The following DALRD3 variants were observed in gnomAD, a reference collection of about 807,000 sequenced individuals.
The protein encoded by DALRD3 is DALR anticodon binding domain containing 3, also known as DALR anticodon-binding domain-containing protein 3.
In DALRD3, 47 loss-of-function variants were observed where a neutral mutation model predicts 56.7. The observed-to-expected ratio is 0.83, with a 90% CI of 0.66 to 1.06. DALRD3 has a LOEUF of 1.06. Ranked by LOEUF, DALRD3 falls within the 50% of genes least tolerant of loss-of-function variation. The pLI, the probability that DALRD3 is intolerant of heterozygous loss-of-function variation, is 0.00. For synonymous variants in DALRD3, 347 were observed against 308.5 expected (o/e 1.12, Z -1.31); for missense variants, 787 against 724.0 (o/e 1.09, Z -1.00).
chr3:49,018,806 C>T (rs2093125733), upstream of DALRD3: 16 of 985,360 alleles, frequency 1.6e-5, no homozygotes, highest in South Asian at 6.6e-4. Flanking sequence ...GGTTCTTTCG[C>T]TGTGACCCAG....
At chr3:49,019,006 C>T (rs1002658274), upstream of DALRD3, 4 of 985,314 alleles carry the variant, frequency 4.1e-6, no homozygotes, top group African/African-American at 7.0e-5. Context: ...TAAAATATCT[C>T]GTTTTAAAAA....
In DALRD3 at chr3:49,015,870, T is replaced by TATCTA. The variant is rs1321893178; in HGVS notation, c.1444-3_1445dup (p.Cys483ArgfsTer41). On this transcript the variant is annotated frameshift_variant and splice_region_variant, in exon 11 of 12. Coordinates refer to ENST00000341949, the MANE Select transcript of DALRD3 (RefSeq NM_001009996.3). LOFTEE classifies it high-confidence loss of function. ...TGCTGAGCTGTACCAGGAACTTGCA[T>TATCTA]ATCTAGAGACAGAGACTGAGTCACT... 6.2e-7 allele frequency: 1 copy of TATCTA among 1,614,084 alleles called. No homozygotes were observed. The highest frequency in any genetic ancestry group is 8.5e-7 in the Non-Finnish European group (1 of 1,180,048).
Position 49,015,545 on chromosome 3 carries a change from G to C in DALRD3, c.*43C>G, listed in dbSNP as rs2093051449. The C allele has an allele frequency of 6.2e-7, 1 of 1,602,386 alleles. No homozygotes were observed. Among genetic ancestry groups the C allele is most frequent in the African/African-American group, 1.3e-5 (1 of 74,192 alleles). ...GTGGGTTTTTGCTTTTTTTCCAGTTGATGACTTTGTGAACATTCCCAGGTA... is the reference window on the plus strand; with the variant it reads ...GTGGGTTTTTGCTTTTTTTCCAGTTCATGACTTTGTGAACATTCCCAGGTA... On this transcript the variant is annotated 3_prime_UTR_variant, in exon 12 of 12. Coordinates refer to ENST00000341949, the MANE Select transcript of DALRD3 (RefSeq NM_001009996.3).
At chr3:49,016,107 G>GGGA (rs2093064597) in intron 9 of DALRD3, 21 bp from the exon 10 acceptor site, 1 of 1,608,108 alleles carries the variant, frequency 6.2e-7, no homozygotes, top group Admixed American at 1.7e-5. Context: ...GAAAGGTGCT[G>GGGA]GGAGGGGAAG....
chr3:49,018,211 C>G lies in DALRD3; in HGVS notation c.273G>C (p.Arg91=), dbSNP rs2093114068. The G allele has an allele frequency of 6.9e-7, 1 of 1,445,638 alleles. No individual in the cohort carries two copies. Among genetic ancestry groups the G allele is most frequent in the African/African-American group, 1.5e-5 (1 of 68,096 alleles). 89.6% of individuals were successfully genotyped at this position (1,445,638 alleles called of 1,614,324 possible). A position where few individuals can be genotyped will look rare whatever the true frequency, so the allele number is the denominator to read the frequency against. ...TGAGGACGCGCTCGAAGACGGCGGA[C>G]CGCTGCAGTTGGAGAGACAGACCCG... The part of the protein sequence containing the change: ...TPAGLSLQLQ[R]SAVFERVLSA... Residue 91 remains arginine (R), a synonymous_variant, in exon 2 of 12, where the codon CGG becomes CGC. Transcript: ENST00000341949.
At chr3:49,019,950 C>T (rs891841767), upstream of DALRD3, among the ~76,000 whole-genome samples, 2 of 152,228 alleles carry the variant, frequency 1.3e-5, no homozygotes, top group Non-Finnish European at 2.9e-5. Flanking sequence ...AGGTCTTTTT[C>T]TTTCTCCCAC....
In DALRD3 at chr3:49,017,599, G is replaced by A. The variant is rs764893102; in HGVS notation, c.718+14C>T. On this transcript the variant is annotated intron_variant, in intron 3 of 11. Coordinates refer to ENST00000341949, the MANE Select transcript of DALRD3 (RefSeq NM_001009996.3). ...CTCCTGCCTTTTCTGGCCCTGCTAG[G>A]CTTCAGGTCCTACCCAGACAGTTGT... is the stretch of plus-strand genomic sequence containing the variant. 10 of 1,613,910 alleles carry A rather than the reference G, an allele frequency of 6.2e-6. No homozygotes were observed. In the African/African-American group the frequency reaches 9.3e-5, roughly 15 times the overall value.
chr3:49,018,865 G>A, upstream of DALRD3: 12 of 985,260 alleles, frequency 1.2e-5, no homozygotes, highest in Non-Finnish European at 1.4e-5. Flanking sequence ...GCTTAGACCG[G>A]GTACCGTCTC....
chr3:49,020,829 G>C, upstream of DALRD3: 1 of 363,144 alleles, frequency 2.8e-6, no homozygotes, highest in Non-Finnish European at 5.8e-6. Context: ...GGAGTCTAGA[G>C]GGAACAAGAC....
rs928665276 is a variant in DALRD3, at chr3:49,018,185, C to T, written c.299G>A (p.Ser100Asn). ...GGGCGTGGCATAGGCGGCCACGGCG[C>T]TGAGGACGCGCTCGAAGACGGCGGA... Reference protein sequence around the residue: ...QRSAVFERVLSAVAAYATPAS... With the variant: ...QRSAVFERVLNAVAAYATPAS... The change falls in exon 2 of 12, where the codon AGC (serine) becomes AAC (asparagine). Residue 100 changes from serine (S) to asparagine (N), a missense_variant. By Grantham distance (46) the Ser-to-Asn change is conservative. Transcript: ENST00000341949. 3 of 1,450,354 alleles carry T rather than the reference C, an allele frequency of 2.1e-6. No individual in the cohort carries two copies. The South Asian group carries it at 4.4e-5, about 21-fold the overall frequency. The allele number at this position is 1,450,354 out of a possible 1,614,324, so 89.8% of individuals were successfully genotyped here.
At chr3:49,017,962 C>A (rs1347674818) in intron 2 of DALRD3, 61 bp downstream of exon 2, 3 of 1,500,372 alleles carry the variant, frequency 2.0e-6, no homozygotes, top group Admixed American at 4.2e-5. Flanking sequence ...GGCGGCGCCG[C>A]TCGCTTTCTA....
chr3:49,020,312 CTCTCATCCACG>C (rs1319730820), upstream of DALRD3: 1 of 484,978 alleles, frequency 2.1e-6, no homozygotes, highest in Non-Finnish European at 4.3e-6. Flanking sequence ...ACTTCAGATA[CTCTCATCCACG>C]AAGACGGTTG....
In DALRD3 at chr3:49,016,205, T is replaced by G; in HGVS notation, c.1282A>C (p.Thr428Pro). The change falls in exon 9 of 12, where the codon ACT (threonine) becomes CCT (proline). Residue 428 changes from threonine to proline, a missense_variant. Coordinates refer to ENST00000341949, the MANE Select transcript of DALRD3 (RefSeq NM_001009996.3). Reference sequence around the variant, plus strand: ...TCCAGACTGCTCACAGGAGGAAAAGTGGGGTACAGACCTTGTTCCATACTA... The same window carrying G: ...TCCAGACTGCTCACAGGAGGAAAAGGGGGGTACAGACCTTGTTCCATACTA... Reference protein sequence around the residue: ...KCSMEQGLYPTFPPVSSLDFS... With the variant: ...KCSMEQGLYPPFPPVSSLDFS... 2 of 1,614,058 alleles carry G rather than the reference T, an allele frequency of 1.2e-6. No individual in the cohort carries two copies. The highest frequency in any genetic ancestry group is 1.7e-6 in the Non-Finnish European group (2 of 1,180,008).
Position 49,016,668 on chromosome 3 carries a change from C to A in DALRD3, c.1007G>T (p.Arg336Leu). ...LMTAPEYYEFRHTQVCKASAL... is the reference protein window; with the variant it reads ...LMTAPEYYEFLHTQVCKASAL... ...TGAGGCCTTGCACACCTGGGTATGC[C>A]GGAACCTGTGTTTGGAAGAGAGGAA... is the stretch of plus-strand genomic sequence containing the variant. The change falls in exon 7 of 12, where the codon CGG (arginine) becomes CTG (leucine). Residue 336 changes from arginine to leucine, a missense_variant. Arg to Leu is a moderately radical substitution (Grantham distance 102). Transcript: ENST00000341949. 6.2e-7 allele frequency: 1 copy of A among 1,602,244 alleles called. No homozygotes were observed. The highest frequency in any genetic ancestry group is 8.5e-7 in the Non-Finnish European group (1 of 1,172,780).
At chr3:49,021,236 T>A (rs2093153520), upstream of DALRD3, 1 of 152,072 alleles carries the variant, frequency 6.6e-6, no homozygotes, top group South Asian at 2.0e-4. This position sits in a 1 kb window ranked among gnomAD's most constrained non-coding sequence, Gnocchi z 4.1. Flanking sequence ...GCCCCGCGGG[T>A]AGCGAAAGCG....
upstream of DALRD3, chr3:49,021,268 G>C (rs1330800092): frequency 6.6e-6 from 1 of 152,448 alleles, no homozygotes; most frequent in South Asian, 2.0e-4. The surrounding 1 kb of genome is among the most constrained non-coding windows in gnomAD (Gnocchi z 4.1). Context: ...CTGAGGCCAC[G>C]ACAGAGCCGG....
Position 49,017,709 on chromosome 3 carries a change from G to C in DALRD3, c.622C>G (p.Leu208Val). 6.2e-7 allele frequency: 1 copy of C among 1,614,164 alleles called. No homozygotes were observed. The highest frequency in any genetic ancestry group is 8.5e-7 in the Non-Finnish European group (1 of 1,180,040). Residue 208 changes from leucine to valine, a missense_variant, in exon 3 of 12, where the codon CTG (leucine) becomes GTG (valine). By Grantham distance (32) the Leu-to-Val change is conservative. Transcript: ENST00000341949. ...AGTCTGCCTAGGATGCCAGGGGACA[G>C]TGTCCTCCCGTCATTAGCAGAGGTA... ...ELTSANDGRT[L>V]SPGILGRLCL...
Position 49,016,231 on chromosome 3 carries a change from C to A in DALRD3, c.1256G>T (p.Cys419Phe). ...GGGGTACAGACCTTGTTCCATACTACACTTGTAACTCTCAAAGAGTGTGGC... is the reference window on the plus strand; with the variant it reads ...GGGGTACAGACCTTGTTCCATACTAAACTTGTAACTCTCAAAGAGTGTGGC... The part of the protein sequence containing the change: ...RLATLFESYK[C>F]SMEQGLYPTF... Residue 419 changes from cysteine (C) to phenylalanine (F), a missense_variant, in exon 9 of 12, where the codon TGT (cysteine) becomes TTT (phenylalanine). Physicochemically the swap from Cys to Phe is radical, Grantham distance 205 (BLOSUM62 -2). Transcript: ENST00000341949. 1.2e-6 allele frequency: 2 copies of A among 1,614,212 alleles called. No homozygotes were observed. The highest frequency in any genetic ancestry group is 1.7e-6 in the Non-Finnish European group (2 of 1,180,034).
chr3:49,015,999 G>GC lies in DALRD3; in HGVS notation c.1416dup (p.Leu473AlafsTer54). 6.2e-7 allele frequency: 1 copy of GC among 1,611,748 alleles called. No individual in the cohort carries two copies. Among genetic ancestry groups the GC allele is most frequent in the East Asian group, 2.2e-5 (1 of 44,836 alleles). On this transcript the variant is annotated frameshift_variant, in exon 10 of 12. Coordinates refer to ENST00000341949, the MANE Select transcript of DALRD3 (RefSeq NM_001009996.3). LOFTEE classifies it high-confidence loss of function. Reference sequence around the variant, plus strand: ...ATCTCTGTGCGTACAGCAATGTGGAGCCCCGGGGCTGTGCAGTCCAGCACT... The same window carrying GC: ...ATCTCTGTGCGTACAGCAATGTGGAGCCCCCGGGGCTGTGCAGTCCAGCACT...
Sources: gnomAD v4.1 joint callset for allele counts (sites outside exome capture counted in the v4.1 genomes callset) on GRCh38, gnomAD v4.1.1 for gene constraint, Gnocchi (gnomAD v3.1) non-coding constraint, MANE v1.5 for transcripts, NCBI Gene and HGNC (gene_info 2026-07-23, HGNC 2026-07-21) for gene names.